Variants in AGBL1 observed in about 807,000 individuals in gnomAD.
AGBL1 encodes the protein cytosolic carboxypeptidase 4.
In AGBL1, 130 loss-of-function variants were observed where a neutral mutation model predicts 118.9. That is an observed-to-expected ratio of 1.09 (90% CI 0.95 to 1.26). The LOEUF (loss-of-function observed/expected upper bound fraction) is 1.26. Ranked by LOEUF, AGBL1 falls within the 50% of genes most tolerant of loss-of-function variation. AGBL1 has a pLI of 0.00. For synonymous variants in AGBL1, 555 were observed against 478.9 expected, an observed-to-expected ratio of 1.16 and a Z score of -2.08; for missense variants, 1,584 against 1,298.1, an observed-to-expected ratio of 1.22 and a Z score of -3.38.
At chr15:87,014,410 G>GTAAT (rs1390338320) in intron 24 of AGBL1, among the ~76,000 whole-genome samples, 1 of 152,156 alleles carries the variant, frequency 6.6e-6, no homozygotes, top group Non-Finnish European at 1.5e-5. Context: ...CTATATCTGT[G>GTAAT]TAATTATTTC....
intron 22 of AGBL1, among the ~76,000 whole-genome samples, chr15:86,794,072 C>T (rs924773712): frequency 6.6e-6 from 1 of 152,148 alleles, no homozygotes; most frequent in African/African-American, 2.4e-5. Context: ...ATAAAATTAC[C>T]ACATGACACA....
At chr15:86,341,087 G>C (rs996326023) in intron 17 of AGBL1, among the ~76,000 whole-genome samples, 1 of 152,178 alleles carries the variant, frequency 6.6e-6, no homozygotes, top group African/African-American at 2.4e-5. Context: ...CAAAGTCCAG[G>C]TCTCCCCCTG....
rs200042668 is a variant in AGBL1 at position 86,295,403 on chromosome 15, A to G, written c.2369A>G (p.Gln790Arg). ...TCCAACAGTGATGAGCATCTAGAGC[A>G]GTTCCGTGAGTAAAATGGGATCCTC... ...PESNSDEHLE[Q>R]FRHRPYQVIT... The change falls in exon 17 of 23, where the codon CAG becomes CGG. Residue 790 changes from glutamine (Q) to arginine (R), a missense_variant. Transcript: ENST00000614907. 8.2e-5 allele frequency: 128 copies of G among 1,560,734 alleles called. No homozygotes were observed. In the Admixed American group the frequency reaches 1.0e-3, roughly 13 times the overall value.
intron 22 of AGBL1, among the ~76,000 whole-genome samples, chr15:86,880,342 C>T (rs2079873249): frequency 6.6e-6 from 1 of 152,154 alleles, no homozygotes; most frequent in South Asian, 2.1e-4. Flanking sequence ...AAATGCTATT[C>T]ATAACTCTTA....
intron 5 of AGBL1, among the ~76,000 whole-genome samples, chr15:86,194,815 C>A (rs2077775085): frequency 6.6e-6 from 1 of 152,166 alleles, no homozygotes; most frequent in Non-Finnish European, 1.5e-5. Context: ...GTCCCAACCT[C>A]ATCAAACTAG....
intron 21 of AGBL1, among the ~76,000 whole-genome samples, chr15:86,609,056 T>G (rs1477166029): frequency 6.6e-6 from 1 of 152,134 alleles, no homozygotes. Context: ...CTTCCAAACA[T>G]ATTTAGCTAA....
chr15:86,492,127 GT>G, intron 18 of AGBL1, among the ~76,000 whole-genome samples: 1 of 152,182 alleles, frequency 6.6e-6, no homozygotes, highest in African/African-American at 2.4e-5. Flanking sequence ...CTCATTATGA[GT>G]GAAGCTATGA....
At chr15:86,809,042 A>T (rs2078754947) in intron 22 of AGBL1, among the ~76,000 whole-genome samples, 1 of 152,082 alleles carries the variant, frequency 6.6e-6, no homozygotes, top group Non-Finnish European at 1.5e-5. Flanking sequence ...AATTTTTATG[A>T]ATATCTAAAA....
chr15:86,422,963 A>G (rs1296961578), intron 18 of AGBL1, among the ~76,000 whole-genome samples: 2 of 152,194 alleles, frequency 1.3e-5, no homozygotes, highest in Non-Finnish European at 2.9e-5. Flanking sequence ...CCAACCAAAA[A>G]CAGTCCAGGA....
rs1231502267 is a variant in AGBL1 at position 86,279,789 on chromosome 15, T to C, written c.2220+6T>C. On this transcript the variant is annotated splice_donor_region_variant and intron_variant, in intron 16 of 22. Coordinates refer to ENST00000614907, the MANE Select transcript of AGBL1 (RefSeq NM_001386094.1). ...ATACCTACACAGCCCTCATGGTAAC[T>C]TCCTCTTTATAGCATCACTCCAGCA... 1.2e-6 allele frequency: 2 copies of C among 1,613,452 alleles called. No individual in the cohort carries two copies. Among genetic ancestry groups the C allele is most frequent in the Non-Finnish European group, 1.7e-6 (2 of 1,179,536 alleles).
Position 86,724,758 on chromosome 15 carries a change from G to T in AGBL1, c.3158+50322G>T, listed in dbSNP as rs1385561834. Among the ~76,000 whole-genome samples the T allele has an allele frequency of 2.0e-5, 3 of 152,274 alleles. No homozygotes were observed. The East Asian group carries it at 5.8e-4, about 29-fold the overall frequency. Reference sequence around the variant, plus strand: ...TGAATGGCTTGGTGCTATCCCTTCAGTATAGTAAGTTCTTGTAAGACCCGG... The same window carrying T: ...TGAATGGCTTGGTGCTATCCCTTCATTATAGTAAGTTCTTGTAAGACCCGG... On this transcript the variant is annotated intron_variant, in intron 22 of 22. Transcript: ENST00000614907.
chr15:86,484,079 A>G (rs2082684987), intron 18 of AGBL1, among the ~76,000 whole-genome samples: 1 of 152,102 alleles, frequency 6.6e-6, no homozygotes, highest in African/African-American at 2.4e-5. Flanking sequence ...ATCCGTGAAG[A>G]GCCATTCTTT....
intron 21 of AGBL1, among the ~76,000 whole-genome samples, chr15:86,641,182 G>C (rs2085183626): frequency 6.6e-6 from 1 of 151,792 alleles, no homozygotes. Context: ...TGATGTTTTT[G>C]ACATGTAAAT....
chr15:86,758,966 CAAA>C (rs80297816), intron 22 of AGBL1, among the ~76,000 whole-genome samples: 21 of 80,892 alleles, frequency 2.6e-4, no homozygotes, highest in Non-Finnish European at 3.8e-4. Context: ...GACACCCTGT[CAAA>C]AAAAAAAAAA....
chr15:86,145,418 A>G (rs1450724959), intron 3 of AGBL1, among the ~76,000 whole-genome samples: 1 of 152,228 alleles, frequency 6.6e-6, no homozygotes, highest in African/African-American at 2.4e-5. Flanking sequence ...ATGGGCACTC[A>G]GGACTCATGC....
intron 22 of AGBL1, among the ~76,000 whole-genome samples, chr15:86,763,573 T>C (rs180684677): frequency 2.6e-5 from 4 of 152,110 alleles, no homozygotes; most frequent in African/African-American, 9.6e-5. Flanking sequence ...TTGTCATTAT[T>C]TGACTTTAAA....
At position 86,911,715 on chromosome 15, in the gene AGBL1, CT is replaced by C. The variant is rs2080354575; in HGVS notation, c.*4422del. On this transcript the variant is annotated 3_prime_UTR_variant, in exon 23 of 23. Transcript: ENST00000614907. Reference sequence around the variant, plus strand: ...TTTCTAACATTTTCACATTTTTCCTCTGCCTCTGATAAGAATCTCCCATTCT... The same window carrying C: ...TTTCTAACATTTTCACATTTTTCCTCGCCTCTGATAAGAATCTCCCATTCT... 1 of 152,212 alleles carries C rather than the reference CT, an allele frequency of 6.6e-6. No individual in the cohort carries two copies. Among genetic ancestry groups the C allele is most frequent in the Non-Finnish European group, 1.5e-5 (1 of 68,048 alleles). 9.4% of individuals were successfully genotyped at this position (152,212 alleles called of 1,614,324 possible). A position where few individuals can be genotyped will look rare whatever the true frequency, so the allele number is the denominator to read the frequency against.
At chr15:86,387,495 T>G (rs2081214688) in intron 17 of AGBL1, among the ~76,000 whole-genome samples, 1 of 151,774 alleles carries the variant, frequency 6.6e-6, no homozygotes, top group Admixed American at 6.6e-5. Context: ...AAGGAAGAGG[T>G]TGTAGTAACG....
chr15:87,023,327 G>A (rs28866947), intron 24 of AGBL1, among the ~76,000 whole-genome samples: 6,184 of 152,096 alleles, frequency 0.041, 408 homozygotes, highest in African/African-American at 0.14. Flanking sequence ...AGCAGGAGTA[G>A]CTATAGTTAT....
Sources: allele counts gnomAD v4.1 joint callset (sites outside exome capture counted in the v4.1 genomes callset), GRCh38; gene constraint gnomAD v4.1.1; transcripts MANE v1.5; gene names NCBI Gene and HGNC (gene_info 2026-07-23, HGNC 2026-07-21).